MTARC2: variants seen among roughly 807,000 people sequenced by gnomAD.
The protein encoded by MTARC2 is MOCO sulphurase C-terminal domain containing 2.
Under a neutral mutation model 35.6 loss-of-function variants are expected in MTARC2, and 27 were observed. The observed-to-expected ratio is 0.76, with a 90% CI of 0.56 to 1.04. The LOEUF (loss-of-function observed/expected upper bound fraction) is 1.04. Ranked by LOEUF, MTARC2 falls within the 50% of genes least tolerant of loss-of-function variation. MTARC2 has a pLI of 0.00. For missense variants in MTARC2, 412 were observed against 432.5 expected (o/e 0.95, Z 0.42); for synonymous variants, 158 against 167.1 (o/e 0.95, Z 0.42).
intron 4 of MTARC2, among the ~76,000 whole-genome samples, chr1:220,766,939 G>A (rs1351585462): frequency 3.5e-5 from 5 of 144,596 alleles, no homozygotes; most frequent in Non-Finnish European, 7.5e-5. Flanking sequence ...CCAGGAGTTC[G>A]AGACCAGCCT....
intron 1 of MTARC2, 141 bp downstream of exon 1, chr1:220,748,944 G>T: frequency 1.7e-6 from 2 of 1,162,308 alleles, no homozygotes; most frequent in Non-Finnish European, 1.1e-6. Flanking sequence ...GCCGTTGGTC[G>T]TTTATCTGGG....
In MTARC2 at chr1:220,748,569, G is replaced by A; in HGVS notation, c.38G>A (p.Gly13Asp). Residue 13 changes from glycine (G) to aspartate (D), a missense_variant, in exon 1 of 8, where the codon GGC (glycine) becomes GAC (aspartate). By Grantham distance (94) the Gly-to-Asp change is moderately conservative. Coordinates refer to ENST00000366913, the MANE Select transcript of MTARC2 (RefSeq NM_017898.5). ...ASSSSALARL[G>D]LPARPWPRWL... ...AGCTCCTCCGCGCTGGCCCGCCTCG[G>A]CCTCCCAGCCCGGCCCTGGCCCAGG... 4.8e-6 allele frequency: 7 copies of A among 1,443,824 alleles called. No homozygotes were observed. The highest frequency in any genetic ancestry group is 1.4e-5 in the South Asian group (1 of 71,782). 89.4% of individuals were successfully genotyped at this position (1,443,824 alleles called of 1,614,324 possible). A position where few individuals can be genotyped will look rare whatever the true frequency, so the allele number is the denominator to read the frequency against.
chr1:220,767,232 T>C (rs1671603705), intron 4 of MTARC2, among the ~76,000 whole-genome samples: 1 of 152,202 alleles, frequency 6.6e-6, no homozygotes, highest in Non-Finnish European at 1.5e-5. Context: ...AAAGGCCTAA[T>C]GCATTAATCT....
chr1:220,778,737 G>A (rs901375281), intron 4 of MTARC2, among the ~76,000 whole-genome samples: 2 of 152,160 alleles, frequency 1.3e-5, no homozygotes, highest in South Asian at 2.1e-4. Context: ...AAACAGAGGT[G>A]CAAGAAGATC....
At chr1:220,781,456 T>G (rs1343881951) in intron 6 of MTARC2, among the ~76,000 whole-genome samples, 2 of 152,222 alleles carry the variant, frequency 1.3e-5, no homozygotes, top group Non-Finnish European at 2.9e-5. Flanking sequence ...ATTTTGAGTT[T>G]TAGGGGCATT....
intron 4 of MTARC2, among the ~76,000 whole-genome samples, chr1:220,766,056 T>TA (rs1671568828): frequency 6.6e-6 from 1 of 151,944 alleles, no homozygotes. Flanking sequence ...TCAGAGATGA[T>TA]ACAGGGTCAG....
At chr1:220,771,177 T>C (rs758643098) in intron 4 of MTARC2, among the ~76,000 whole-genome samples, 1 of 151,674 alleles carries the variant, frequency 6.6e-6, no homozygotes, top group Non-Finnish European at 1.5e-5. Context: ...TGGATGCCTG[T>C]AATCCCAGCT....
chr1:220,775,556 G>T (rs1246534341), intron 4 of MTARC2, among the ~76,000 whole-genome samples: 3 of 152,136 alleles, frequency 2.0e-5, no homozygotes, highest in East Asian at 1.9e-4. Flanking sequence ...AGGTGCAGGG[G>T]TACAGGTGCA....
chr1:220,777,079 G>A (rs1277872405), intron 4 of MTARC2, among the ~76,000 whole-genome samples: 1 of 152,236 alleles, frequency 6.6e-6, no homozygotes, highest in African/African-American at 2.4e-5. Flanking sequence ...AGGAGTGCTT[G>A]TAATAAGTCC....
intron 4 of MTARC2, among the ~76,000 whole-genome samples, chr1:220,767,731 A>G (rs1671620169): frequency 6.6e-6 from 1 of 152,156 alleles, no homozygotes. Flanking sequence ...GCTTGCAGAA[A>G]ACTCTTGGTA....
intron 7 of MTARC2, 143 bp from the exon 8 acceptor site, chr1:220,783,776 T>C (rs534330323): frequency 1.8e-5 from 11 of 626,664 alleles, no homozygotes; most frequent in Non-Finnish European, 2.9e-5. Flanking sequence ...GAGTTAGAGC[T>C]AATGGGCCAT....
At chr1:220,750,842 G>A (rs1438328403) in intron 1 of MTARC2, among the ~76,000 whole-genome samples, 1 of 152,172 alleles carries the variant, frequency 6.6e-6, no homozygotes, top group Non-Finnish European at 1.5e-5. Context: ...ATCTGTGTGA[G>A]TACAGAACTT....
chr1:220,761,146 G>A (rs12041952), intron 2 of MTARC2, among the ~76,000 whole-genome samples: 2,065 of 152,310 alleles, frequency 0.014, 33 homozygotes, highest in East Asian at 0.06. Flanking sequence ...ACCAAGTGAC[G>A]TAGGTAGGTA....
At chr1:220,749,365 A>C (rs558935143) in intron 1 of MTARC2, among the ~76,000 whole-genome samples, 1 of 151,718 alleles carries the variant, frequency 6.6e-6, no homozygotes, top group African/African-American at 2.4e-5. Flanking sequence ...CACAGCCTGG[A>C]ACTTTGGGAC....
intron 1 of MTARC2, among the ~76,000 whole-genome samples, chr1:220,753,934 C>T (rs1477410130): frequency 1.3e-5 from 2 of 152,080 alleles, no homozygotes; most frequent in Non-Finnish European, 2.9e-5. Flanking sequence ...CCTGTAATCC[C>T]AGCTACCCGG....
Position 220,761,657 on chromosome 1 carries a change from G to A in MTARC2, c.447-1G>A. The A allele has an allele frequency of 6.2e-7, 1 of 1,606,778 alleles. No homozygotes were observed. ...CTGGTGTTCTTTTGTGACCTTTCCA[G>A]GATATTTGGCCTTGACATTAAAGGC... On this transcript the variant is annotated splice_acceptor_variant, in intron 2 of 7. Coordinates refer to ENST00000366913, the MANE Select transcript of MTARC2 (RefSeq NM_017898.5). LOFTEE classifies it high-confidence loss of function.
rs752536235 is a variant in MTARC2 at position 220,781,931 on chromosome 1, T to C, written c.*30T>C. 3.0e-5 allele frequency: 48 copies of C among 1,606,594 alleles called. No individual in the cohort carries two copies. In the South Asian group the frequency reaches 4.1e-4, roughly 14 times the overall value. ...GAGTGATGGATCCACTAGGGTGATA[T>C]GGTAAAGGGTCAGCTTTGCTTCTGA... On this transcript the variant is annotated splice_region_variant and 3_prime_UTR_variant, in exon 7 of 8. Transcript: ENST00000366913.
At position 220,774,119 on chromosome 1, in the gene MTARC2, G is replaced by A. The variant is rs1416788218; in HGVS notation, c.751-5899G>A. 7.2e-4 allele frequency among the ~76,000 whole-genome samples: 109 copies of A among 150,948 alleles called. 1 individual carries two copies. The highest frequency in any genetic ancestry group is 1.0e-4 in the Non-Finnish European group (7 of 67,870). ...CTCACCCTGTCGCCCATGCTGGAGT[G>A]CGGTGACGTGATCTCGGCTCACTGC... On this transcript the variant is annotated intron_variant, in intron 4 of 7. Coordinates refer to ENST00000366913, the MANE Select transcript of MTARC2 (RefSeq NM_017898.5).
chr1:220,763,189 T>TG, intron 4 of MTARC2, 139 bp downstream of exon 4: 1 of 1,244,774 alleles, frequency 8.0e-7, no homozygotes, highest in Admixed American at 2.1e-5. Flanking sequence ...ACTCATTGCT[T>TG]GCGGAGTTGT....
Sources: gnomAD v4.1 joint callset for allele counts (sites outside exome capture counted in the v4.1 genomes callset) on GRCh38, gnomAD v4.1.1 for gene constraint, MANE v1.5 for transcripts, NCBI Gene and HGNC (gene_info 2026-07-23, HGNC 2026-07-21) for gene names.